The following PTPRN2 variants were observed in gnomAD, a reference collection of about 807,000 sequenced individuals.
The protein encoded by PTPRN2 is protein tyrosine phosphatase receptor type N2, also known as receptor-type tyrosine-protein phosphatase N2.
A neutral mutation model predicts 118.8 loss-of-function variants in PTPRN2; 74 were observed. That is an observed-to-expected ratio of 0.62 (90% CI 0.52 to 0.76). The LOEUF (loss-of-function observed/expected upper bound fraction) is 0.76. Among genes scored for constraint, PTPRN2 ranks in the 30% least tolerant of loss-of-function variants. The pLI, the probability that PTPRN2 is intolerant of heterozygous loss-of-function variation, is 0.00. For synonymous variants in PTPRN2, 641 were observed against 608.0 expected, an observed-to-expected ratio of 1.05 and a Z score of -0.80; for missense variants, 1,481 against 1,394.4, an observed-to-expected ratio of 1.06 and a Z score of -0.99.
chr7:158,075,543 G>A (rs113268238), intron 11 of PTPRN2, among the ~76,000 whole-genome samples: 7 of 152,252 alleles, frequency 4.6e-5, no homozygotes, highest in Admixed American at 1.3e-4. Context: ...CTGAGCCTGC[G>A]GGGCCCACTG....
chr7:158,058,273 C>A, intron 11 of PTPRN2, among the ~76,000 whole-genome samples: 1 of 85,324 alleles, frequency 1.2e-5, no homozygotes, highest in Non-Finnish European at 2.3e-5. Flanking sequence ...GCAGCCACGC[C>A]CCATCTGCCC....
intron 2 of PTPRN2, among the ~76,000 whole-genome samples, chr7:158,454,651 T>A: frequency 6.6e-6 from 1 of 150,960 alleles, no homozygotes; most frequent in East Asian, 2.0e-4. Context: ...ATGGTTGCTA[T>A]GGAGGACAGA....
intron 12 of PTPRN2, among the ~76,000 whole-genome samples, chr7:157,698,399 CAAT>C (rs537255932): frequency 1.3e-4 from 20 of 152,324 alleles, no homozygotes; most frequent in Admixed American, 7.8e-4. Context: ...AATAGGAACT[CAAT>C]GATGAGATAG....
intron 21 of PTPRN2, among the ~76,000 whole-genome samples, chr7:157,562,778 C>A (rs1799260547): frequency 6.8e-6 from 1 of 147,394 alleles, no homozygotes; most frequent in Non-Finnish European, 1.5e-5. Context: ...CAGATCAGGA[C>A]CATGTGCTCC....
At chr7:157,848,390 A>G (rs3857648) in intron 12 of PTPRN2, among the ~76,000 whole-genome samples, 98,131 of 145,978 alleles carry the variant, frequency 0.67, 32,827 homozygotes, top group East Asian at 0.95. Flanking sequence ...ATTACATCAT[A>G]TGTGCCCAAT....
chr7:158,375,957 C>G (rs963669125), intron 2 of PTPRN2, among the ~76,000 whole-genome samples: 2 of 152,160 alleles, frequency 1.3e-5, no homozygotes, highest in Admixed American at 1.3e-4. Flanking sequence ...TTCAATTTGT[C>G]CCTGTGACCT....
At chr7:158,428,636 G>A (rs533947069) in intron 2 of PTPRN2, among the ~76,000 whole-genome samples, 37 of 152,272 alleles carry the variant, frequency 2.4e-4, no homozygotes, top group African/African-American at 7.0e-4. Context: ...CTGTCACAGA[G>A]TCACCATTAC....
intron 12 of PTPRN2, among the ~76,000 whole-genome samples, chr7:157,790,828 A>G (rs1804441312): frequency 6.6e-6 from 1 of 152,184 alleles, no homozygotes; most frequent in Admixed American, 6.6e-5. Flanking sequence ...GTGAGGAAAC[A>G]GGGTCCAGGA....
At chr7:158,270,362 GTTCTC>G (rs1798226579) in intron 3 of PTPRN2, among the ~76,000 whole-genome samples, 1 of 152,170 alleles carries the variant, frequency 6.6e-6, no homozygotes, top group African/African-American at 2.4e-5. Context: ...CACAGGCATG[GTTCTC>G]GGGGTGAGGA....
intron 1 of PTPRN2, chr7:158,541,594 AT>A: frequency 7.4e-7 from 1 of 1,351,674 alleles, no homozygotes; most frequent in Non-Finnish European, 9.8e-7. Flanking sequence ...GAATATTCAG[AT>A]TCCACAGCCA....
chr7:157,766,587 G>A (rs1387856400), intron 12 of PTPRN2, among the ~76,000 whole-genome samples: 3 of 152,232 alleles, frequency 2.0e-5, no homozygotes, highest in African/African-American at 7.2e-5. Context: ...AGAATTGCTG[G>A]CACTTGCAGA....
At chr7:157,769,165 C>A (rs769816666) in intron 12 of PTPRN2, among the ~76,000 whole-genome samples, 2 of 152,188 alleles carry the variant, frequency 1.3e-5, no homozygotes, top group Non-Finnish European at 2.9e-5. Context: ...CCGAGGGCAG[C>A]GGTTGAATGT....
At chr7:158,205,128 T>G (rs764420720) in intron 4 of PTPRN2, 43 bp downstream of exon 4, 1 of 1,448,446 alleles carries the variant, frequency 6.9e-7, no homozygotes, top group East Asian at 2.3e-5. Context: ...GGCTATGGAC[T>G]GTGTCCTGGG....
intron 11 of PTPRN2, among the ~76,000 whole-genome samples, chr7:158,045,770 CTG>C (rs1429778165): frequency 2.0e-5 from 3 of 151,300 alleles, no homozygotes; most frequent in African/African-American, 7.3e-5. Flanking sequence ...CATCCTGACA[CTG>C]CCTCGTTCTG....
intron 12 of PTPRN2, among the ~76,000 whole-genome samples, chr7:157,691,144 G>A (rs1182565928): frequency 1.4e-5 from 2 of 143,144 alleles, no homozygotes; most frequent in Admixed American, 1.4e-4. Context: ...TCCCGCCCGA[G>A]ACTATGAATG....
chr7:158,549,601 G>C (rs905566892), intron 1 of PTPRN2, among the ~76,000 whole-genome samples: 6 of 152,254 alleles, frequency 3.9e-5, no homozygotes, highest in Non-Finnish European at 7.3e-5. Flanking sequence ...CGCTCGCTAG[G>C]GTGGAGGAAG....
At chr7:158,161,169 G>A (rs1380246321) in intron 6 of PTPRN2, among the ~76,000 whole-genome samples, 1 of 152,144 alleles carries the variant, frequency 6.6e-6, no homozygotes, top group Non-Finnish European at 1.5e-5. Context: ...TGGATTTAAT[G>A]AAATCCCAGT....
chr7:158,073,941 G>A (rs545777334), intron 11 of PTPRN2, among the ~76,000 whole-genome samples: 26 of 152,234 alleles, frequency 1.7e-4, no homozygotes, highest in Admixed American at 5.2e-4. Context: ...CAGCAGACGC[G>A]GCTCCCCTGG....
intron 12 of PTPRN2, among the ~76,000 whole-genome samples, chr7:157,721,234 G>T (rs1384747623): frequency 6.6e-6 from 1 of 152,216 alleles, no homozygotes; most frequent in East Asian, 1.9e-4. Context: ...GCCCATTAGT[G>T]TTGCTCTGGG....
Sources: allele counts gnomAD v4.1 joint callset (sites outside exome capture counted in the v4.1 genomes callset), GRCh38; gene constraint gnomAD v4.1.1; transcripts MANE v1.5; gene names NCBI Gene and HGNC (gene_info 2026-07-23, HGNC 2026-07-21).